PLXNA4: variants seen among roughly 807,000 people sequenced by gnomAD.
The protein encoded by PLXNA4 is plexin-A4.
In PLXNA4, 44 loss-of-function variants were observed where a neutral mutation model predicts 191.8. The ratio of observed to expected loss-of-function variants is 0.23; its 90% CI spans 0.18 to 0.29. The LOEUF is 0.29. Among genes scored for constraint, PLXNA4 ranks in the 10% least tolerant of loss-of-function variants. The pLI is 1.00. For synonymous variants in PLXNA4, 1,082 were observed against 1,009.5 expected (o/e 1.07, Z -1.36); for missense variants, 1,800 against 2,488.8 (o/e 0.72, Z 5.89).
chr7:132,260,189 C>T (rs148300226), intron 4 of PLXNA4, among the ~76,000 whole-genome samples: 2 of 152,236 alleles, frequency 1.3e-5, no homozygotes, highest in East Asian at 1.9e-4. Context: ...AATTGTTCTA[C>T]CAAAAAGACC....
chr7:132,327,152 G>A (rs1802405160), intron 3 of PLXNA4, among the ~76,000 whole-genome samples: 2 of 114,334 alleles, frequency 1.7e-5, no homozygotes, highest in African/African-American at 6.4e-5. Context: ...GGAAAGGAAA[G>A]AGGGAGAAAA....
intron 3 of PLXNA4, among the ~76,000 whole-genome samples, chr7:132,350,672 C>T (rs1803447736): frequency 6.6e-6 from 1 of 152,032 alleles, no homozygotes; most frequent in Non-Finnish European, 1.5e-5. Flanking sequence ...CAATTGGAAC[C>T]CTCACACATT....
chr7:132,152,337 C>T (rs2116600294), intron 25 of PLXNA4, among the ~76,000 whole-genome samples: 1 of 152,292 alleles, frequency 6.6e-6, no homozygotes, highest in East Asian at 1.9e-4. Context: ...GACAGCCCTG[C>T]CACCTTAGAT....
intron 14 of PLXNA4, among the ~76,000 whole-genome samples, chr7:132,189,046 G>GAA (rs1562909232): frequency 1.0e-5 from 1 of 96,944 alleles, no homozygotes; most frequent in African/African-American, 5.6e-5. Flanking sequence ...GAGAGAGAGA[G>GAA]AGAGAGAGAG....
At chr7:132,575,977 G>A (rs1002260557) in intron 1 of PLXNA4, among the ~76,000 whole-genome samples, 1 of 152,146 alleles carries the variant, frequency 6.6e-6, no homozygotes, top group African/African-American at 2.4e-5. Flanking sequence ...CAAAGGCCAC[G>A]GGGCCGCGAT....
chr7:132,364,857 C>T (rs562882578), intron 3 of PLXNA4, among the ~76,000 whole-genome samples: 13 of 152,298 alleles, frequency 8.5e-5, no homozygotes, highest in Admixed American at 1.3e-4. Flanking sequence ...ATAACTACAT[C>T]GCTTAATCCT....
intron 3 of PLXNA4, among the ~76,000 whole-genome samples, chr7:132,348,894 A>T (rs1563050156): frequency 6.6e-6 from 1 of 151,914 alleles, no homozygotes; most frequent in Non-Finnish European, 1.5e-5. Flanking sequence ...GGTGGAAAAA[A>T]TTTTTTTTGA....
intron 2 of PLXNA4, among the ~76,000 whole-genome samples, chr7:132,606,320 G>C (rs1246004053): frequency 6.6e-6 from 1 of 152,192 alleles, no homozygotes; most frequent in Non-Finnish European, 1.5e-5. Context: ...ATAAATTTCT[G>C]TTGTTTTAAG....
At chr7:132,475,993 G>A (rs182578283) in intron 3 of PLXNA4, among the ~76,000 whole-genome samples, 49 of 152,322 alleles carry the variant, frequency 3.2e-4, no homozygotes, top group Middle Eastern at 3.4e-3. Context: ...AGAGCCCAGC[G>A]GGAGCAGCCC....
chr7:132,203,874 G>A (rs1208087071), intron 10 of PLXNA4, among the ~76,000 whole-genome samples: 1 of 152,194 alleles, frequency 6.6e-6, no homozygotes, highest in Non-Finnish European at 1.5e-5. Context: ...TAATTTCCAG[G>A]AAATGTCCAG....
At chr7:132,446,546 A>G (rs933568140) in intron 3 of PLXNA4, among the ~76,000 whole-genome samples, 1 of 152,194 alleles carries the variant, frequency 6.6e-6, no homozygotes, top group Non-Finnish European at 1.5e-5. Flanking sequence ...CTCTGACTCT[A>G]TCTCTCTTAG....
intron 30 of PLXNA4, among the ~76,000 whole-genome samples, chr7:132,137,173 T>C (rs1795137844): frequency 6.6e-6 from 1 of 152,242 alleles, no homozygotes; most frequent in Admixed American, 6.5e-5. Flanking sequence ...TTTATGTATT[T>C]GACTGGATGG....
intron 3 of PLXNA4, among the ~76,000 whole-genome samples, chr7:132,487,092 T>C (rs775636042): frequency 5.3e-5 from 8 of 152,176 alleles, no homozygotes; most frequent in Non-Finnish European, 8.8e-5. Context: ...AACACCTTCC[T>C]TTTTCCAAGA....
chr7:132,387,942 G>T (rs1305946842), intron 3 of PLXNA4, among the ~76,000 whole-genome samples: 2 of 152,046 alleles, frequency 1.3e-5, no homozygotes, highest in African/African-American at 4.8e-5. Flanking sequence ...GAGGCTGGAA[G>T]CTCCCCGGGG....
At chr7:132,214,148 T>A (rs548492989) in intron 9 of PLXNA4, among the ~76,000 whole-genome samples, 152 of 152,234 alleles carry the variant, frequency 1.0e-3, no homozygotes, top group African/African-American at 3.5e-3. Context: ...GGCTGGTCAG[T>A]CAGCAGGGGT....
At chr7:132,407,810 T>C (rs1315559540) in intron 3 of PLXNA4, among the ~76,000 whole-genome samples, 1 of 152,178 alleles carries the variant, frequency 6.6e-6, no homozygotes, top group Non-Finnish European at 1.5e-5. Context: ...CCACAGAACA[T>C]GAACTTAGAA....
chr7:132,341,021 T>C (rs771892302), intron 3 of PLXNA4, among the ~76,000 whole-genome samples: 7 of 152,180 alleles, frequency 4.6e-5, no homozygotes, highest in Non-Finnish European at 7.3e-5. Flanking sequence ...CCATAGCAGC[T>C]ATGCACAGAC....
intron 31 of PLXNA4, among the ~76,000 whole-genome samples, chr7:132,130,812 ATGTCTGAATGAC>A (rs1164524807): frequency 6.6e-6 from 1 of 152,180 alleles, no homozygotes; most frequent in Non-Finnish European, 1.5e-5. Context: ...ACACACAGTC[ATGTCTGAATGAC>A]TGTGTGCATT....
intron 3 of PLXNA4, among the ~76,000 whole-genome samples, chr7:132,472,263 A>G (rs1463721085): frequency 1.3e-5 from 2 of 152,226 alleles, no homozygotes; most frequent in African/African-American, 4.8e-5. Flanking sequence ...TTTGGCAAGA[A>G]AATCCAGATC....
Sources: allele counts gnomAD v4.1 joint callset (sites outside exome capture counted in the v4.1 genomes callset), GRCh38; gene constraint gnomAD v4.1.1; transcripts MANE v1.5; gene names NCBI Gene and HGNC (gene_info 2026-07-23, HGNC 2026-07-21).